RIMS2: variants seen among roughly 807,000 people sequenced by gnomAD.
RIMS2 encodes regulating synaptic membrane exocytosis protein 2.
In RIMS2, 59 loss-of-function variants were observed where a neutral mutation model predicts 174.4. The observed-to-expected ratio is 0.34, with a 90% CI of 0.27 to 0.42. RIMS2 has a LOEUF of 0.42. Among genes scored for constraint, RIMS2 ranks in the 10% least tolerant of loss-of-function variants. The pLI is 1.00. For missense variants in RIMS2, 1,620 were observed against 1,666.3 expected, an observed-to-expected ratio of 0.97 and a Z score of 0.48; for synonymous variants, 606 against 572.5, an observed-to-expected ratio of 1.06 and a Z score of -0.84.
intron 2 of RIMS2, among the ~76,000 whole-genome samples, chr8:103,755,365 T>G (rs1390465422): frequency 6.6e-6 from 1 of 152,200 alleles, no homozygotes; most frequent in Non-Finnish European, 1.5e-5. Flanking sequence ...CTTAATATTT[T>G]TTCCTTCATT....
chr8:103,708,125 C>T (rs1258267448), intron 2 of RIMS2, among the ~76,000 whole-genome samples: 5 of 152,192 alleles, frequency 3.3e-5, no homozygotes, highest in South Asian at 2.1e-4. Context: ...AAACAGCCTT[C>T]GAGAGTAGTG....
intron 1 of RIMS2, among the ~76,000 whole-genome samples, chr8:103,675,150 G>T (rs888644558): frequency 6.6e-6 from 1 of 152,086 alleles, no homozygotes; most frequent in African/African-American, 2.4e-5. Flanking sequence ...GACCTCAAGT[G>T]ATCTGCCCGC....
At chr8:103,524,606 T>C (rs1833129179) in intron 1 of RIMS2, among the ~76,000 whole-genome samples, 2 of 152,130 alleles carry the variant, frequency 1.3e-5, no homozygotes, top group Admixed American at 1.3e-4. Flanking sequence ...ATGAGTACTA[T>C]GATGCTAAGG....
chr8:103,621,317 C>G (rs1323446358), intron 1 of RIMS2, among the ~76,000 whole-genome samples: 1 of 152,208 alleles, frequency 6.6e-6, no homozygotes, highest in Non-Finnish European at 1.5e-5. Context: ...TGTCTGGTTT[C>G]CATTGGCTGG....
intron 11 of RIMS2, among the ~76,000 whole-genome samples, chr8:103,929,076 G>C (rs998078195): frequency 4.0e-5 from 6 of 151,618 alleles, no homozygotes; most frequent in Admixed American, 3.9e-4. Context: ...CTATTAAAAG[G>C]TGTAATTTTG....
intron 1 of RIMS2, among the ~76,000 whole-genome samples, chr8:103,551,570 A>T (rs1050232980): frequency 6.6e-6 from 1 of 152,194 alleles, no homozygotes; most frequent in African/African-American, 2.4e-5. Flanking sequence ...CACCACTCCT[A>T]TTCAGCATAG....
At chr8:103,809,498 A>C (rs2098673113) in intron 3 of RIMS2, among the ~76,000 whole-genome samples, 2 of 145,610 alleles carry the variant, frequency 1.4e-5, no homozygotes, top group African/African-American at 2.5e-5. Context: ...TCCTCCCTCC[A>C]CTCCTTTTTC....
At chr8:103,710,098 G>A (rs2097285769) in intron 2 of RIMS2, among the ~76,000 whole-genome samples, 1 of 151,580 alleles carries the variant, frequency 6.6e-6, no homozygotes, top group Non-Finnish European at 1.5e-5. Flanking sequence ...TTATGTAGAA[G>A]GCTTTTGTTC....
intron 19 of RIMS2, among the ~76,000 whole-genome samples, chr8:104,210,056 G>T (rs1214844336): frequency 6.6e-6 from 1 of 152,126 alleles, no homozygotes; most frequent in Non-Finnish European, 1.5e-5. Context: ...GAAGGGAAAT[G>T]ATGTAGAACT....
intron 2 of RIMS2, among the ~76,000 whole-genome samples, chr8:103,723,033 A>T (rs1591107092): frequency 2.6e-5 from 4 of 152,096 alleles, no homozygotes; most frequent in Admixed American, 1.3e-4. Flanking sequence ...AATCACATGA[A>T]CCCAGGAGGT....
chr8:103,802,672 C>A (rs900222005), intron 3 of RIMS2, among the ~76,000 whole-genome samples: 8 of 152,080 alleles, frequency 5.3e-5, no homozygotes, highest in African/African-American at 1.9e-4. Flanking sequence ...GGATATTTTT[C>A]CCTCTTAGAG....
chr8:103,736,640 C>T (rs2097689271), intron 2 of RIMS2, among the ~76,000 whole-genome samples: 1 of 152,054 alleles, frequency 6.6e-6, no homozygotes, highest in South Asian at 2.1e-4. Context: ...TAATTACTCA[C>T]GTTTGGCTCA....
intron 1 of RIMS2, among the ~76,000 whole-genome samples, chr8:103,614,175 G>A (rs934552090): frequency 2.6e-5 from 4 of 152,244 alleles, no homozygotes; most frequent in African/African-American, 7.2e-5. Context: ...GAGTACTTCT[G>A]CCTGTGGTAA....
At chr8:103,679,859 G>A (rs2096858063) in intron 1 of RIMS2, among the ~76,000 whole-genome samples, 1 of 151,928 alleles carries the variant, frequency 6.6e-6, no homozygotes, top group African/African-American at 2.4e-5. Context: ...TCAAGAATTT[G>A]CAAAATATGG....
chr8:103,577,293 C>T (rs1184380093), intron 1 of RIMS2, among the ~76,000 whole-genome samples: 2 of 152,184 alleles, frequency 1.3e-5, no homozygotes, highest in African/African-American at 4.8e-5. Context: ...CAAAAGGAGA[C>T]ATCTATGCAG....
chr8:103,526,272 T>C (rs1400626415), intron 1 of RIMS2, among the ~76,000 whole-genome samples: 1 of 152,224 alleles, frequency 6.6e-6, no homozygotes, highest in African/African-American at 2.4e-5. Context: ...CATCGTAGTC[T>C]TTAATTAGAT....
intron 15 of RIMS2, among the ~76,000 whole-genome samples, chr8:103,969,031 C>G: frequency 6.6e-6 from 1 of 152,036 alleles, no homozygotes; most frequent in East Asian, 1.9e-4. Context: ...ATATTTCACT[C>G]CACTCTCTTC....
At chr8:104,155,859 C>T (rs935393395) in intron 19 of RIMS2, among the ~76,000 whole-genome samples, 1 of 152,138 alleles carries the variant, frequency 6.6e-6, no homozygotes, top group Non-Finnish European at 1.5e-5. Flanking sequence ...CCAATAAAGA[C>T]ACTATGACAC....
intron 1 of RIMS2, among the ~76,000 whole-genome samples, chr8:103,621,562 G>A (rs2095636074): frequency 6.6e-6 from 1 of 152,242 alleles, no homozygotes; most frequent in South Asian, 2.1e-4. Context: ...AGAACATAAA[G>A]TTCATTGATT....
Sources: gnomAD v4.1 joint callset for allele counts (sites outside exome capture counted in the v4.1 genomes callset) on GRCh38, gnomAD v4.1.1 for gene constraint, MANE v1.5 for transcripts, NCBI Gene and HGNC (gene_info 2026-07-23, HGNC 2026-07-21) for gene names.